The following TRPV3 variants were observed in gnomAD, a reference collection of about 807,000 sequenced individuals.
TRPV3 encodes VRL-3.
Under a neutral mutation model 87.1 loss-of-function variants are expected in TRPV3, and 88 were observed. That is an observed-to-expected ratio of 1.01 (90% confidence interval 0.85 to 1.21). The LOEUF is 1.21. TRPV3 is among the 50% of genes most tolerant of loss of function. The probability of loss-of-function intolerance (pLI) is 0.00; values close to 1 mark genes in which losing one functional copy is unlikely to be tolerated. For missense variants in TRPV3, 1,054 were observed against 1,030.1 expected, an observed-to-expected ratio of 1.02 and a Z score of -0.32; for synonymous variants, 438 against 423.3, an observed-to-expected ratio of 1.03 and a Z score of -0.43.
intron 2 of TRPV3, among the ~76,000 whole-genome samples, chr17:3,546,003 AAAAAG>A (rs2074521720): frequency 1.5e-5 from 2 of 133,490 alleles, no homozygotes; most frequent in Non-Finnish European, 3.4e-5. Context: ...AAAAAAAAAA[AAAAAG>A]AAAGAAAACA....
chr17:3,542,606 C>T lies in TRPV3; in HGVS notation c.559G>A (p.Val187Met), dbSNP rs773607374. The change falls in exon 6 of 18, where the codon GTG (valine) becomes ATG (methionine). Residue 187 changes from valine (V) to methionine (M), a missense_variant. By Grantham distance (21) the Val-to-Met change is conservative. Transcript: ENST00000576742. Reference sequence around the variant, plus strand: ...TCAGCAAAGGCAAGCAGGATCCGCACTATCTCCTTGGTGTTGGGGTTGATG... The same window carrying T: ...TCAGCAAAGGCAAGCAGGATCCGCATTATCTCCTTGGTGTTGGGGTTGATG... ...LNINPNTKEI[V>M]RILLAFAEEN... The T allele has an allele frequency of 5.6e-6, 9 of 1,613,918 alleles. No individual in the cohort carries two copies. Among genetic ancestry groups the T allele is most frequent in the Non-Finnish European group, 7.6e-6 (9 of 1,179,942 alleles).
At position 3,514,180 on chromosome 17, in the gene TRPV3, G is replaced by C. The variant is rs984775191; in HGVS notation, c.2279-169C>G. 14 of 565,422 alleles carry C rather than the reference G, an allele frequency of 2.5e-5. No homozygotes were observed. The South Asian group carries it at 3.2e-4, about 13-fold the overall frequency. The allele number at this position is 565,422 out of a possible 1,614,324, so 35.0% of individuals were successfully genotyped here. On this transcript the variant is annotated intron_variant, in intron 17 of 17. Coordinates refer to ENST00000576742, the MANE Select transcript of TRPV3 (RefSeq NM_145068.4). ...TGCAACCTCCACCTCCCAGGTTCAA[G>C]CAATTCTCCTGACTCAGCCTCTCGA...
At chr17:3,527,573 G>C (rs1162641963) in intron 11 of TRPV3, 1 of 237,390 alleles carries the variant, frequency 4.2e-6, no homozygotes, top group African/African-American at 2.3e-5. Context: ...TATATGTGTT[G>C]ATTCATTGGA....
chr17:3,513,924 G>A lies in TRPV3; in HGVS notation c.2366C>T (p.Ser789Leu). 1.2e-6 allele frequency: 2 copies of A among 1,614,046 alleles called. No homozygotes were observed. The highest frequency in any genetic ancestry group is 1.7e-6 in the Non-Finnish European group (2 of 1,179,894). The change falls in exon 18 of 18, where the codon TCG becomes TTG. Residue 789 changes from serine (S) to leucine (L), a missense_variant. By Grantham distance (145) the Ser-to-Leu change is moderately radical (BLOSUM62 -2). Transcript: ENST00000576742. Reference sequence around the variant, plus strand: ...CAGCTCTGGGTTCCGCTTCTACACCGAGGTTTCCGGGAATTCCTCGACTTC... The same window carrying A: ...CAGCTCTGGGTTCCGCTTCTACACCAAGGTTTCCGGGAATTCCTCGACTTC... ...FEEVEEFPETSV is the reference protein window; with the variant it reads ...FEEVEEFPETLV
intron 14 of TRPV3, among the ~76,000 whole-genome samples, chr17:3,519,790 C>A (rs12450797): frequency 0.52 from 48,594 of 93,198 alleles, 10,592 homozygotes; most frequent in Non-Finnish European, 0.58. Flanking sequence ...GGATGGATAG[C>A]TGGATGGATG....
chr17:3,543,383 C>A, intron 5 of TRPV3, 91 bp downstream of exon 5: 1 of 1,514,246 alleles, frequency 6.6e-7, no homozygotes. Context: ...CACACTCCAG[C>A]CTCATGGGTT....
intron 14 of TRPV3, among the ~76,000 whole-genome samples, chr17:3,519,692 G>GGATGGAAGGATA (rs2074222738): frequency 2.2e-5 from 3 of 133,942 alleles, no homozygotes; most frequent in Admixed American, 1.6e-4. Context: ...ATGGATGATT[G>GGATGGAAGGATA]GATGGATGGA....
In TRPV3 at chr17:3,512,042, A is replaced by G. The variant is rs913196098; in HGVS notation, c.*1875T>C. 1 of 152,208 alleles carries G rather than the reference A, an allele frequency of 6.6e-6. No individual in the cohort carries two copies. The highest frequency in any genetic ancestry group is 2.4e-5 in the African/African-American group (1 of 41,442). 9.4% of individuals were successfully genotyped at this position (152,208 alleles called of 1,614,324 possible). On this transcript the variant is annotated 3_prime_UTR_variant, in exon 18 of 18. Transcript: ENST00000576742. ...TAAAAGGGACCTTAAACTTCTTCCAATGACCATTTTCAACAACATTCCTCA... is the reference window on the plus strand; with the variant it reads ...TAAAAGGGACCTTAAACTTCTTCCAGTGACCATTTTCAACAACATTCCTCA...
At position 3,554,754 on chromosome 17, in the gene TRPV3, C is replaced by G; in HGVS notation, c.97G>C (p.Glu33Gln). The change falls in exon 2 of 18, where the codon GAG becomes CAG. Residue 33 changes from glutamate to glutamine, a missense_variant. By Grantham distance (29) the Glu-to-Gln change is conservative. Transcript: ENST00000576742. Reference sequence around the variant, plus strand: ...CACCTCTTCTTTGTGGGGGTGATCTCCGCCGGCCTCTTCTCTGGCAGGATG... The same window carrying G: ...CACCTCTTCTTTGTGGGGGTGATCTGCGCCGGCCTCTTCTCTGGCAGGATG... ...PAILPEKRPA[E>Q]ITPTKKSAHF... 1 of 1,612,532 alleles carries G rather than the reference C, an allele frequency of 6.2e-7. No homozygotes were observed.
At chr17:3,535,186 T>TCTGTCTCCTG (rs373813517) in intron 7 of TRPV3, among the ~76,000 whole-genome samples, 1 of 77,888 alleles carries the variant, frequency 1.3e-5, no homozygotes, top group East Asian at 5.6e-4. Flanking sequence ...CCTCCTCCCT[T>TCTGTCTCCTG]CCTCCCTCTC....
chr17:3,510,672 G>A lies in TRPV3; in HGVS notation c.*3245C>T, dbSNP rs1567625209. On this transcript the variant is annotated 3_prime_UTR_variant, in exon 18 of 18. Transcript: ENST00000576742. ...TTTACAAGGATCCGGCACATTCAAG[G>A]GAGAATGGGGTGACGATTCTGTGTT... The A allele has an allele frequency of 6.6e-6, 1 of 152,192 alleles. No individual in the cohort carries two copies. The highest frequency in any genetic ancestry group is 1.5e-5 in the Non-Finnish European group (1 of 68,036). 9.4% of individuals were successfully genotyped at this position (152,192 alleles called of 1,614,324 possible). A position where few individuals can be genotyped will look rare whatever the true frequency, so the allele number is the denominator to read the frequency against.
At chr17:3,535,429 C>A in intron 7 of TRPV3, 144 bp downstream of exon 7, 1 of 635,482 alleles carries the variant, frequency 1.6e-6, no homozygotes, top group Non-Finnish European at 2.2e-6. Context: ...CCCCTCCCTT[C>A]CTCCCTCTCC....
intron 13 of TRPV3, 149 bp downstream of exon 13, chr17:3,524,049 G>T: frequency 9.3e-7 from 1 of 1,074,522 alleles, no homozygotes; most frequent in Non-Finnish European, 1.3e-6. Context: ...TTAAAGCCTG[G>T]CCGAAAGCAA....
In TRPV3 at chr17:3,524,365, T is replaced by A; in HGVS notation, c.1578-2A>T. 1.2e-6 allele frequency: 2 copies of A among 1,614,092 alleles called. No homozygotes were observed. Among genetic ancestry groups the A allele is most frequent in the Non-Finnish European group, 1.7e-6 (2 of 1,179,974 alleles). ...ATCACAAGCACAGCTTGGATAAAAC[T>A]GTTCAGGAGACACAGGAGACACGGG... On this transcript the variant is annotated splice_acceptor_variant, in intron 12 of 17. Coordinates refer to ENST00000576742, the MANE Select transcript of TRPV3 (RefSeq NM_145068.4). LOFTEE classifies it high-confidence loss of function.
intron 2 of TRPV3, among the ~76,000 whole-genome samples, chr17:3,549,603 A>G (rs1483876466): frequency 6.6e-6 from 1 of 152,222 alleles, no homozygotes; most frequent in Non-Finnish European, 1.5e-5. Flanking sequence ...GCCCAGATAA[A>G]TGGATGAATG....
Position 3,532,862 on chromosome 17 carries a change from G to A in TRPV3, c.860C>T (p.Thr287Met), listed in dbSNP as rs200272068. ...IVQLLMEHEQTDITSRDSRGN... is the reference protein window; with the variant it reads ...IVQLLMEHEQMDITSRDSRGN... Reference sequence around the variant, plus strand: ...TCGTGAGTCCCGCGAGGTGATGTCCGTCTGCTCGTGCTCCATCAGCAGCTG... The same window carrying A: ...TCGTGAGTCCCGCGAGGTGATGTCCATCTGCTCGTGCTCCATCAGCAGCTG... Residue 287 changes from threonine (T) to methionine (M), a missense_variant, in exon 8 of 18, where the codon ACG becomes ATG. Physicochemically the swap from Thr to Met is moderately conservative, Grantham distance 81 (BLOSUM62 -1). Coordinates refer to ENST00000576742, the MANE Select transcript of TRPV3 (RefSeq NM_145068.4). The A allele has an allele frequency of 1.1e-5, 17 of 1,614,136 alleles. 1 individual carries two copies. The highest frequency in any genetic ancestry group is 1.6e-4 in the Middle Eastern group (1 of 6,084).
rs1407867727 is a variant in TRPV3, at chr17:3,528,224, C to A, written c.1402-98G>T. ...CAAAACCCAGGTGAAACACTCAAGC[C>A]GGGCCAGAGACCAGCATGAAACCTG... On this transcript the variant is annotated intron_variant, in intron 10 of 17. Coordinates refer to ENST00000576742, the MANE Select transcript of TRPV3 (RefSeq NM_145068.4). This position sits in a 1 kb window ranked among gnomAD's most constrained non-coding sequence, Gnocchi z 4.2. 1 of 852,942 alleles carries A rather than the reference C, an allele frequency of 1.2e-6. No individual in the cohort carries two copies. Among genetic ancestry groups the A allele is most frequent in the African/African-American group, 1.7e-5 (1 of 58,454 alleles). 52.8% of individuals were successfully genotyped at this position (852,942 alleles called of 1,614,324 possible).
intron 13 of TRPV3, 109 bp from the exon 14 acceptor site, chr17:3,521,148 A>T (rs1220095258): frequency 6.7e-6 from 3 of 446,100 alleles, no homozygotes; most frequent in Non-Finnish European, 1.2e-5. Flanking sequence ...CTGTCTCTTC[A>T]CTTGGGCCAC....
intron 6 of TRPV3, among the ~76,000 whole-genome samples, chr17:3,536,875 T>A (rs1413053023): frequency 6.6e-6 from 1 of 151,168 alleles, no homozygotes; most frequent in Non-Finnish European, 1.5e-5. Context: ...AAGGCTGGAG[T>A]GGGGGAAGGG....
Sources: allele counts gnomAD v4.1 joint callset (sites outside exome capture counted in the v4.1 genomes callset), GRCh38; gene constraint gnomAD v4.1.1; non-coding constraint Gnocchi (gnomAD v3.1); transcripts MANE v1.5; gene names NCBI Gene and HGNC (gene_info 2026-07-23, HGNC 2026-07-21).